TRMT1L: variants seen among roughly 807,000 people sequenced by gnomAD.
The protein encoded by TRMT1L is tRNA methyltransferase 1L, also known as tRNA (guanine(27)-N(2))-dimethyltransferase.
Under a neutral mutation model 81.6 loss-of-function variants are expected in TRMT1L, and 28 were observed. The observed-to-expected ratio is 0.34, with a 90% CI of 0.25 to 0.47. TRMT1L has a LOEUF of 0.47. TRMT1L is among the 20% of genes least tolerant of loss of function. TRMT1L has a pLI of 1.00. For missense variants in TRMT1L, 739 were observed against 877.1 expected, an observed-to-expected ratio of 0.84 and a Z score of 1.99; for synonymous variants, 301 against 303.2, an observed-to-expected ratio of 0.99 and a Z score of 0.07.
At position 185,144,838 on chromosome 1, in the gene TRMT1L, A is replaced by G. The variant is rs564909334; in HGVS notation, c.655+601T>C. Among the ~76,000 whole-genome samples, 10 of 152,020 alleles carry G rather than the reference A, an allele frequency of 6.6e-5. No individual in the cohort carries two copies. The South Asian group carries it at 2.1e-3, about 32-fold the overall frequency. On this transcript the variant is annotated intron_variant, in intron 5 of 14. Coordinates refer to ENST00000367506, the MANE Select transcript of TRMT1L (RefSeq NM_030934.5). Reference sequence around the variant, plus strand: ...CGTGAGGAGGCATGTTGCATATCTCACAAGGTCAGACTTTCTCAACTTAGG... The same window carrying G: ...CGTGAGGAGGCATGTTGCATATCTCGCAAGGTCAGACTTTCTCAACTTAGG...
In TRMT1L at chr1:185,156,520, G is replaced by A. The variant is rs754313953; in HGVS notation, c.193C>T (p.Leu65=). 1.2e-6 allele frequency: 2 copies of A among 1,613,380 alleles called. No homozygotes were observed. The highest frequency in any genetic ancestry group is 1.3e-5 in the African/African-American group (1 of 74,926). ...GGGGCAGAGGCTAGGGACGGGGACAGGGCCGGAGCCTGGGCCAGGGCAGGG... is the reference window on the plus strand; with the variant it reads ...GGGGCAGAGGCTAGGGACGGGGACAAGGCCGGAGCCTGGGCCAGGGCAGGG... The part of the protein sequence containing the change: ...PAPALAQAPA[L]SPSLASAPEE... Residue 65 remains leucine (L), a synonymous_variant, in exon 1 of 15, where the codon CTG becomes TTG. Coordinates refer to ENST00000367506, the MANE Select transcript of TRMT1L (RefSeq NM_030934.5).
rs564097013 is a variant in TRMT1L, at chr1:185,124,030, T to C, written c.1760-111A>G. 25 of 601,674 alleles carry C rather than the reference T, an allele frequency of 4.2e-5. No individual in the cohort carries two copies. The East Asian group carries it at 6.2e-4, about 15-fold the overall frequency. The allele number at this position is 601,674 out of a possible 1,614,324, so 37.3% of individuals were successfully genotyped here. A position where few individuals can be genotyped will look rare whatever the true frequency, so the allele number is the denominator to read the frequency against. On this transcript the variant is annotated intron_variant, in intron 12 of 14. Coordinates refer to ENST00000367506, the MANE Select transcript of TRMT1L (RefSeq NM_030934.5). ...TCCATCCACACTATTTTCACGAATA[T>C]GCAAGAGATTCTGTGGCCAAACTGA...
In TRMT1L at chr1:185,120,132, T is replaced by C. The variant is rs1341101347; in HGVS notation, c.2089A>G (p.Thr697Ala). The C allele has an allele frequency of 3.7e-6, 6 of 1,613,876 alleles. No individual in the cohort carries two copies. The highest frequency in any genetic ancestry group is 3.3e-5 in the South Asian group (3 of 91,080). Residue 697 changes from threonine to alanine, a missense_variant, in exon 15 of 15, where the codon ACT (threonine) becomes GCT (alanine). Thr to Ala is a moderately conservative substitution (Grantham distance 58). Transcript: ENST00000367506. Reference sequence around the variant, plus strand: ...ACATGGCTTTCTGACTGTCCTCCAGTGTAGGTGGGGGTGCTGTACTTTAAA... The same window carrying C: ...ACATGGCTTTCTGACTGTCCTCCAGCGTAGGTGGGGGTGCTGTACTTTAAA... ...ILLKYSTPTY[T>A]GGQSESHVQS... is the part of the protein sequence containing the mutation.
intron 1 of TRMT1L, among the ~76,000 whole-genome samples, chr1:185,156,100 T>C (rs769418535): frequency 9.2e-5 from 14 of 152,344 alleles, no homozygotes; most frequent in Non-Finnish European, 1.9e-4. Context: ...TCGGTTACTA[T>C]GTCACATTTG....
chr1:185,145,484 T>C lies in TRMT1L; in HGVS notation c.610A>G (p.Arg204Gly). 1 of 1,611,954 alleles carries C rather than the reference T, an allele frequency of 6.2e-7. No homozygotes were observed. The highest frequency in any genetic ancestry group is 8.5e-7 in the Non-Finnish European group (1 of 1,178,476). The change falls in exon 5 of 15, where the codon AGG (arginine) becomes GGG (glycine). Residue 204 changes from arginine to glycine, a missense_variant. Physicochemically the swap from Arg to Gly is moderately radical, Grantham distance 125. This residue lies in a region of TRMT1L where 331 missense variants were observed against 462.2 expected (regional missense o/e 0.72). Coordinates refer to ENST00000367506, the MANE Select transcript of TRMT1L (RefSeq NM_030934.5). ...GTCTCTCCTTTATTCATGTGGCGCC[T>C]AACATGTCCTAGCATATCAGTTCTT... Reference protein sequence around the residue: ...TRRTDMLGHVRRHMNKGETKS... With the variant: ...TRRTDMLGHVGRHMNKGETKS...
intron 11 of TRMT1L, among the ~76,000 whole-genome samples, chr1:185,128,068 T>C (rs1263526704): frequency 6.6e-6 from 1 of 151,656 alleles, no homozygotes; most frequent in African/African-American, 2.4e-5. Context: ...GAGCCGATAT[T>C]GCGCCACTGC....
chr1:185,154,796 C>A (rs1653448847), intron 1 of TRMT1L, among the ~76,000 whole-genome samples: 1 of 152,182 alleles, frequency 6.6e-6, no homozygotes, highest in South Asian at 2.1e-4. Flanking sequence ...TAAGATAGTG[C>A]GTATCAGACA....
At chr1:185,122,682 A>ATTTTTTTTTT (rs374716894) in intron 13 of TRMT1L, among the ~76,000 whole-genome samples, 1 of 118,874 alleles carries the variant, frequency 8.4e-6, no homozygotes, top group Non-Finnish European at 1.7e-5. Context: ...CTTAAATCTA[A>ATTTTTTTTTT]TTTTTTTTTT....
chr1:185,135,808 T>C lies in TRMT1L; in HGVS notation c.1513+1798A>G, dbSNP rs1193870328. Among the ~76,000 whole-genome samples, 9 of 152,074 alleles carry C rather than the reference T, an allele frequency of 5.9e-5. No individual in the cohort carries two copies. In the East Asian group the frequency reaches 1.7e-3, roughly 29 times the overall value. Reference sequence around the variant, plus strand: ...AAAATTATGCTACAAAGGAAAACTATATACCATCTCATGAAACAAGAAAAT... The same window carrying C: ...AAAATTATGCTACAAAGGAAAACTACATACCATCTCATGAAACAAGAAAAT... On this transcript the variant is annotated intron_variant, in intron 10 of 14. Coordinates refer to ENST00000367506, the MANE Select transcript of TRMT1L (RefSeq NM_030934.5).
chr1:185,136,073 T>C (rs1449031622), intron 10 of TRMT1L, among the ~76,000 whole-genome samples: 4 of 152,144 alleles, frequency 2.6e-5, no homozygotes, highest in Non-Finnish European at 5.9e-5. Flanking sequence ...ATGTGATAAA[T>C]GATATGTATT....
rs546379309 is a variant in TRMT1L, at chr1:185,139,411, A to G, written c.1278T>C (p.Tyr426=). 3.0e-5 allele frequency: 48 copies of G among 1,614,032 alleles called. No individual in the cohort carries two copies. The highest frequency in any genetic ancestry group is 2.9e-4 in the African/African-American group (22 of 75,058). The change falls in exon 9 of 15, where the codon TAT becomes TAC. Residue 426 remains tyrosine, a synonymous_variant. Coordinates refer to ENST00000367506, the MANE Select transcript of TRMT1L (RefSeq NM_030934.5). Reference sequence around the variant, plus strand: ...CAATTCTGGCTGCTAGTTCCTTGTAATATTCAGTTCGGACAATGTTACATC... The same window carrying G: ...CAATTCTGGCTGCTAGTTCCTTGTAGTATTCAGTTCGGACAATGTTACATC... ...HYGCNIVRTE[Y]YKELAARIVV...
chr1:185,147,372 A>G (rs1653216862), intron 3 of TRMT1L, 126 bp from the exon 4 acceptor site: 1 of 675,084 alleles, frequency 1.5e-6, no homozygotes, highest in Non-Finnish European at 2.5e-6. Flanking sequence ...TAATTACTCA[A>G]ATGAGATTGC....
intron 10 of TRMT1L, among the ~76,000 whole-genome samples, chr1:185,130,375 A>G (rs1011228698): frequency 3.3e-5 from 5 of 152,210 alleles, no homozygotes; most frequent in African/African-American, 1.2e-4. Context: ...CTACAAGAAT[A>G]AATAAAATGG....
At chr1:185,151,348 T>C (rs1157707945) in intron 2 of TRMT1L, among the ~76,000 whole-genome samples, 3 of 152,188 alleles carry the variant, frequency 2.0e-5, no homozygotes, top group African/African-American at 7.2e-5. Context: ...TTTTTATTTT[T>C]ACACTGTCTA....
chr1:185,126,010 T>C (rs1652619447), intron 11 of TRMT1L, among the ~76,000 whole-genome samples: 1 of 152,196 alleles, frequency 6.6e-6, no homozygotes, highest in Non-Finnish European at 1.5e-5. Flanking sequence ...TCCCATTTAA[T>C]TTAAGAATCA....
intron 9 of TRMT1L, among the ~76,000 whole-genome samples, chr1:185,138,831 G>C (rs1010063950): frequency 6.6e-6 from 1 of 152,226 alleles, no homozygotes; most frequent in Admixed American, 6.5e-5. Context: ...ATGTTGCCCA[G>C]GCTGGAGTGC....
intron 1 of TRMT1L, among the ~76,000 whole-genome samples, chr1:185,152,845 G>A (rs1365739945): frequency 9.9e-5 from 15 of 152,124 alleles, no homozygotes; most frequent in Admixed American, 9.8e-4. Context: ...TTTTTGACAT[G>A]GTGTGTTTGA....
intron 1 of TRMT1L, 106 bp downstream of exon 1, chr1:185,156,372 C>T (rs888927494): frequency 3.4e-5 from 54 of 1,610,836 alleles, no homozygotes; most frequent in Non-Finnish European, 4.5e-5. Flanking sequence ...TTTCCTAAAC[C>T]TGCCTTGCCC....
intron 7 of TRMT1L, 22 bp from the exon 8 acceptor site, chr1:185,140,244 A>AT: frequency 6.4e-7 from 1 of 1,565,234 alleles, no homozygotes; most frequent in Non-Finnish European, 8.7e-7. Context: ...TGGGAAGAAA[A>AT]TGAGTTTTAT....
Sources: allele counts gnomAD v4.1 joint callset (sites outside exome capture counted in the v4.1 genomes callset), GRCh38; gene constraint gnomAD v4.1.1; regional missense constraint gnomAD v4.1.1; transcripts MANE v1.5; gene names NCBI Gene and HGNC (gene_info 2026-07-23, HGNC 2026-07-21).